RAB3GAP1: variants seen among roughly 807,000 people sequenced by gnomAD.
RAB3GAP1 encodes rab3 GTPase-activating protein catalytic subunit.
Under a neutral mutation model 130.7 loss-of-function variants are expected in RAB3GAP1, and 86 were observed. That is an observed-to-expected ratio of 0.66 (90% confidence interval 0.55 to 0.79). RAB3GAP1 has a LOEUF of 0.79. RAB3GAP1 is among the 30% of genes least tolerant of loss of function. The probability of loss-of-function intolerance (pLI) is 0.00; values close to 1 mark genes in which losing one functional copy is unlikely to be tolerated. For missense variants in RAB3GAP1, 1,029 were observed against 1,169.4 expected, an observed-to-expected ratio of 0.88 and a Z score of 1.75; for synonymous variants, 367 against 401.7, an observed-to-expected ratio of 0.91 and a Z score of 1.03.
intron 5 of RAB3GAP1, among the ~76,000 whole-genome samples, chr2:135,104,065 C>T (rs1376204254): frequency 6.6e-6 from 1 of 152,162 alleles, no homozygotes; most frequent in Non-Finnish European, 1.5e-5. Flanking sequence ...CTTATAGGCT[C>T]AGGTGTTTGG....
intron 3 of RAB3GAP1, among the ~76,000 whole-genome samples, chr2:135,082,161 G>GAATGAATGAATA (rs138937070): frequency 0.04 from 6,025 of 150,240 alleles, 428 homozygotes; most frequent in African/African-American, 0.14. Context: ...ATGAATGAAT[G>GAATGAATGAATA]AATAAATAAA....
chr2:135,167,851 T>C, intron 23 of RAB3GAP1: 1 of 635,376 alleles, frequency 1.6e-6, no homozygotes, highest in Non-Finnish European at 2.4e-6. Context: ...CGCAACATGA[T>C]TTCATGTTTC....
intron 9 of RAB3GAP1, among the ~76,000 whole-genome samples, chr2:135,125,712 G>A (rs1449732593): frequency 6.6e-6 from 1 of 152,152 alleles, no homozygotes; most frequent in African/African-American, 2.4e-5. Context: ...TTCACCTAAT[G>A]GGGTGGGATG....
At chr2:135,108,205 T>C (rs575747527) in intron 5 of RAB3GAP1, among the ~76,000 whole-genome samples, 2 of 152,216 alleles carry the variant, frequency 1.3e-5, no homozygotes, top group African/African-American at 4.8e-5. Flanking sequence ...ACATTTATAT[T>C]TAAATATAGT....
chr2:135,087,348 A>G (rs1160657394), intron 3 of RAB3GAP1, among the ~76,000 whole-genome samples: 3 of 152,146 alleles, frequency 2.0e-5, no homozygotes, highest in Non-Finnish European at 2.9e-5. Context: ...TATTCATCAA[A>G]ATTATTTTAG....
At chr2:135,125,040 A>G (rs2104934337) in intron 9 of RAB3GAP1, among the ~76,000 whole-genome samples, 1 of 152,362 alleles carries the variant, frequency 6.6e-6, no homozygotes, top group East Asian at 1.9e-4. Flanking sequence ...GAGCTGTGCA[A>G]CCATCATAAT....
intron 17 of RAB3GAP1, among the ~76,000 whole-genome samples, chr2:135,147,085 C>T (rs1309432790): frequency 6.6e-6 from 1 of 152,118 alleles, no homozygotes; most frequent in Non-Finnish European, 1.5e-5. Flanking sequence ...GTCGCTCACG[C>T]CTGTAATCCT....
At chr2:135,133,469 G>A (rs1435146029) in intron 14 of RAB3GAP1, among the ~76,000 whole-genome samples, 2 of 152,064 alleles carry the variant, frequency 1.3e-5, no homozygotes, top group Non-Finnish European at 2.9e-5. Context: ...GATTTGATGA[G>A]GTGAGAGAAA....
At chr2:135,117,194 C>T (rs1299558143) in intron 7 of RAB3GAP1, among the ~76,000 whole-genome samples, 9 of 151,992 alleles carry the variant, frequency 5.9e-5, no homozygotes, top group East Asian at 1.9e-4. Flanking sequence ...TAGAGAATTC[C>T]GTGTATATAT....
chr2:135,096,411 A>G (rs1054959432), intron 5 of RAB3GAP1, among the ~76,000 whole-genome samples: 2 of 152,240 alleles, frequency 1.3e-5, no homozygotes, highest in African/African-American at 4.8e-5. Context: ...AAATGCAGGT[A>G]AACGGGATAG....
intron 15 of RAB3GAP1, among the ~76,000 whole-genome samples, chr2:135,134,869 A>G (rs923484573): frequency 3.3e-5 from 5 of 151,282 alleles, no homozygotes; most frequent in South Asian, 2.1e-4. Context: ...CTTGGTTTTT[A>G]TAGTGAGAAT....
intron 6 of RAB3GAP1, among the ~76,000 whole-genome samples, 164 bp from the exon 7 acceptor site, chr2:135,115,052 G>A (rs1690925249): frequency 6.6e-6 from 1 of 152,182 alleles, no homozygotes; most frequent in East Asian, 1.9e-4. Context: ...AGGAGAAAAA[G>A]GAACTAAGAA....
At chr2:135,149,532 T>C (rs1366340623) in intron 17 of RAB3GAP1, among the ~76,000 whole-genome samples, 1 of 152,218 alleles carries the variant, frequency 6.6e-6, no homozygotes, top group African/African-American at 2.4e-5. Context: ...CAGGTTGTTA[T>C]TCAACCCTAA....
rs1309761635 is a variant in RAB3GAP1, at chr2:135,052,493, A to T, written c.74+8A>T. On this transcript the variant is annotated splice_region_variant and intron_variant, in intron 2 of 23. Coordinates refer to ENST00000264158, the MANE Select transcript of RAB3GAP1 (RefSeq NM_012233.3). ...TGCCTCGGAATGGGAAAGGTGAGTG[A>T]ATCGCATTTTTGGTTACCAGCTCCC... The T allele has an allele frequency of 6.2e-7, 1 of 1,613,152 alleles. No individual in the cohort carries two copies. Among genetic ancestry groups the T allele is most frequent in the Admixed American group, 1.7e-5 (1 of 59,996 alleles).
chr2:135,174,472 A>C (rs1211558530), downstream of RAB3GAP1, among the ~76,000 whole-genome samples: 1 of 152,218 alleles, frequency 6.6e-6, no homozygotes, highest in East Asian at 1.9e-4. Flanking sequence ...GCCTTGCCTT[A>C]AAACAGCCTC....
At chr2:135,102,299 G>A (rs540356404) in intron 5 of RAB3GAP1, among the ~76,000 whole-genome samples, 1 of 152,340 alleles carries the variant, frequency 6.6e-6, no homozygotes, top group South Asian at 2.1e-4. Flanking sequence ...TAAGCCTCTA[G>A]AAACTGGAAT....
intron 3 of RAB3GAP1, among the ~76,000 whole-genome samples, chr2:135,075,938 G>A (rs181958201): frequency 2.2e-3 from 324 of 148,362 alleles, no homozygotes; most frequent in African/African-American, 7.6e-3. Flanking sequence ...TTGAGACGGG[G>A]TCTCACTCTG....
At chr2:135,149,930 T>TA (rs1692125376) in intron 17 of RAB3GAP1, among the ~76,000 whole-genome samples, 1 of 152,230 alleles carries the variant, frequency 6.6e-6, no homozygotes, top group Admixed American at 6.5e-5. Context: ...GTGCTGGGAT[T>TA]ACAGGCATGA....
chr2:135,122,024 C>T (rs192603872), intron 8 of RAB3GAP1, among the ~76,000 whole-genome samples: 15 of 151,660 alleles, frequency 9.9e-5, no homozygotes, highest in Non-Finnish European at 2.1e-4. Flanking sequence ...ACCTGGGAGG[C>T]GGAGGTTGCA....
Sources: gnomAD v4.1 joint callset for allele counts (sites outside exome capture counted in the v4.1 genomes callset) on GRCh38, gnomAD v4.1.1 for gene constraint, MANE v1.5 for transcripts, NCBI Gene and HGNC (gene_info 2026-07-23, HGNC 2026-07-21) for gene names.